GALNT13: variants seen among roughly 807,000 people sequenced by gnomAD.
GALNT13 encodes the protein UDP-GalNAc:polypeptide N-acetylgalactosaminyltransferase 13.
In GALNT13, 28 loss-of-function variants were observed where a neutral mutation model predicts 64.2. The observed-to-expected ratio is 0.44, with a 90% CI of 0.32 to 0.60. The LOEUF is 0.60. GALNT13 is among the 20% of genes least tolerant of loss of function. The probability of loss-of-function intolerance (pLI) is 0.05; values close to 1 mark genes in which losing one functional copy is unlikely to be tolerated. For missense variants in GALNT13, 577 were observed against 669.8 expected (o/e 0.86, Z 1.53); for synonymous variants, 214 against 224.6 (o/e 0.95, Z 0.42).
chr2:153,443,660 C>T, the GALNT13 span, among the ~76,000 whole-genome samples: 2 of 152,140 alleles, frequency 1.3e-5, no homozygotes, highest in African/African-American at 2.4e-5. Flanking sequence ...CGGTGGCTCA[C>T]ACCTGTAATC....
chr2:153,539,014 TAA>T, the GALNT13 span, among the ~76,000 whole-genome samples: 5,840 of 91,632 alleles, frequency 0.064, 425 homozygotes, highest in East Asian at 0.33. Flanking sequence ...ACCAACAGTG[TAA>T]AAGTGTTCCT....
the GALNT13 span, among the ~76,000 whole-genome samples, chr2:153,593,772 A>G: frequency 6.6e-6 from 1 of 152,202 alleles, no homozygotes; most frequent in Non-Finnish European, 1.5e-5. Context: ...AAATGTTTAC[A>G]TTAAAATGTA....
chr2:153,722,413 C>T, the GALNT13 span, among the ~76,000 whole-genome samples: 2 of 140,086 alleles, frequency 1.4e-5, no homozygotes, highest in Non-Finnish European at 3.0e-5. Context: ...AAAGCAAGAG[C>T]AAACACATTC....
the GALNT13 span, among the ~76,000 whole-genome samples, chr2:153,082,885 G>C: frequency 3.3e-5 from 5 of 150,704 alleles, no homozygotes; most frequent in South Asian, 8.4e-4. Flanking sequence ...CTGGAGTGCA[G>C]TGGCACAGTC....
intron 3 of GALNT13, among the ~76,000 whole-genome samples, chr2:154,026,923 T>C (rs1698009056): frequency 6.6e-6 from 1 of 151,962 alleles, no homozygotes; most frequent in Non-Finnish European, 1.5e-5. Flanking sequence ...GGAGAAGGAA[T>C]GGAAAAGGGT....
the GALNT13 span, among the ~76,000 whole-genome samples, chr2:153,747,513 C>T: frequency 6.7e-6 from 1 of 149,516 alleles, no homozygotes; most frequent in Non-Finnish European, 1.5e-5. Flanking sequence ...CTGCAATCTC[C>T]GCCTTCTGGG....
At chr2:154,416,084 G>A (rs1302620246) in intron 11 of GALNT13, among the ~76,000 whole-genome samples, 1 of 152,104 alleles carries the variant, frequency 6.6e-6, no homozygotes, top group Non-Finnish European at 1.5e-5. Context: ...TATCATTAAT[G>A]CTTGACTGGG....
At chr2:153,342,360 T>C in the GALNT13 span, among the ~76,000 whole-genome samples, 1 of 152,204 alleles carries the variant, frequency 6.6e-6, no homozygotes, top group Non-Finnish European at 1.5e-5. Context: ...ATAATTATGT[T>C]GAGCCTGAAT....
At chr2:153,635,398 G>GTATATATATATATATACACATATA in the GALNT13 span, among the ~76,000 whole-genome samples, 1 of 120,772 alleles carries the variant, frequency 8.3e-6, no homozygotes, top group Non-Finnish European at 1.8e-5. Context: ...CAGTAAATAT[G>GTATATATATATATATACACATATA]TATATATATA....
At chr2:153,584,049 T>TGG in the GALNT13 span, among the ~76,000 whole-genome samples, 1 of 152,142 alleles carries the variant, frequency 6.6e-6, no homozygotes, top group Non-Finnish European at 1.5e-5. Flanking sequence ...CTGTGACAGC[T>TGG]GGGGTAGGGG....
intron 3 of GALNT13, among the ~76,000 whole-genome samples, chr2:154,030,497 G>A (rs1162452942): frequency 6.6e-6 from 1 of 152,118 alleles, no homozygotes; most frequent in Non-Finnish European, 1.5e-5. Context: ...TGTCAGCAGA[G>A]CTTCTATATA....
chr2:154,337,360 G>T (rs1369557021), intron 9 of GALNT13, among the ~76,000 whole-genome samples: 1 of 152,006 alleles, frequency 6.6e-6, no homozygotes, highest in Non-Finnish European at 1.5e-5. Flanking sequence ...GGAAGGAACA[G>T]GATTAAGTGA....
At chr2:153,674,990 A>G in the GALNT13 span, among the ~76,000 whole-genome samples, 8 of 152,342 alleles carry the variant, frequency 5.3e-5, no homozygotes, top group South Asian at 1.7e-3. Context: ...TCAAAACCAC[A>G]ATGAGATACC....
the GALNT13 span, among the ~76,000 whole-genome samples, chr2:153,689,619 A>G: frequency 1.3e-5 from 2 of 152,070 alleles, no homozygotes; most frequent in African/African-American, 4.8e-5. Flanking sequence ...GGTGTCAGGT[A>G]GTTTCATATC....
At chr2:154,026,812 C>T (rs560621750) in intron 3 of GALNT13, among the ~76,000 whole-genome samples, 2 of 152,270 alleles carry the variant, frequency 1.3e-5, no homozygotes, top group East Asian at 3.9e-4. Context: ...CAGTCCATAA[C>T]AGCTAGACAT....
the GALNT13 span, among the ~76,000 whole-genome samples, chr2:153,812,845 T>C: frequency 5.9e-5 from 9 of 152,314 alleles, no homozygotes; most frequent in Non-Finnish European, 1.2e-4. Flanking sequence ...TCTAATCTTA[T>C]GTAAATGGTG....
the GALNT13 span, among the ~76,000 whole-genome samples, chr2:153,390,802 A>C: frequency 2.0e-5 from 3 of 152,076 alleles, no homozygotes; most frequent in African/African-American, 7.2e-5. Context: ...ATAACGTAAA[A>C]GGTGAACAGG....
chr2:153,476,720 A>G, the GALNT13 span, among the ~76,000 whole-genome samples: 2 of 152,176 alleles, frequency 1.3e-5, no homozygotes, highest in African/African-American at 4.8e-5. Context: ...GAATCTTTTA[A>G]CGTGGTCTTT....
At chr2:153,332,534 G>GTTTTTTTTTTTT in the GALNT13 span, among the ~76,000 whole-genome samples, 24 of 136,238 alleles carry the variant, frequency 1.8e-4, no homozygotes, top group East Asian at 1.3e-3. Context: ...TGAGAGTATT[G>GTTTTTTTTTTTT]TTTTTTTTTT....
Sources: gnomAD v4.1 joint callset for allele counts (sites outside exome capture counted in the v4.1 genomes callset) on GRCh38, gnomAD v4.1.1 for gene constraint, MANE v1.5 for transcripts, NCBI Gene and HGNC (gene_info 2026-07-23, HGNC 2026-07-21) for gene names.